The following SSBP4 variants were observed in gnomAD, a reference collection of about 807,000 sequenced individuals.
The protein encoded by SSBP4 is single stranded DNA binding protein 4.
A neutral mutation model predicts 64.6 loss-of-function variants in SSBP4; 33 were observed. The observed-to-expected ratio is 0.51, with a 90% CI of 0.39 to 0.68. SSBP4 has a LOEUF of 0.68. Ranked by LOEUF, SSBP4 falls within the 30% of genes least tolerant of loss-of-function variation. The pLI is 0.00. For missense variants in SSBP4, 583 were observed against 566.8 expected (o/e 1.03, Z -0.29); for synonymous variants, 243 against 224.0 (o/e 1.08, Z -0.76).
intron 4 of SSBP4, among the ~76,000 whole-genome samples, chr19:18,428,962 C>A (rs1040840336): frequency 6.6e-6 from 1 of 152,160 alleles, no homozygotes; most frequent in Non-Finnish European, 1.5e-5. Flanking sequence ...GGTCTAGCAT[C>A]CTCTCTGGGC....
chr19:18,431,360 C>A lies in SSBP4; in HGVS notation c.377C>A (p.Pro126His). ...SMAAGFFQGP[P>H]GSQPSPHNPN... ...CTGGTTCTGTCCTCCTAGGGCCCCC[C>A]CGGCTCCCAGCCGTCCCCCCACAAC... Residue 126 changes from proline (P) to histidine (H), a missense_variant, in exon 6 of 18, where the codon CCC becomes CAC. Pro to His is a moderately conservative substitution (Grantham distance 77, BLOSUM62 -2). This residue lies in a region of SSBP4 where 444 missense variants were observed against 386.6 expected (regional missense o/e 1.15). Coordinates refer to ENST00000270061, the MANE Select transcript of SSBP4 (RefSeq NM_032627.5). 2 of 1,050,458 alleles carry A rather than the reference C, an allele frequency of 1.9e-6. No homozygotes were observed. Among genetic ancestry groups the A allele is most frequent in the Non-Finnish European group, 2.8e-6 (2 of 716,656 alleles). The allele number at this position is 1,050,458 out of a possible 1,614,324, so 65.1% of individuals were successfully genotyped here. A position where few individuals can be genotyped will look rare whatever the true frequency, so the allele number is the denominator to read the frequency against.
chr19:18,421,530 C>G (rs764360944), intron 1 of SSBP4, among the ~76,000 whole-genome samples: 1 of 152,120 alleles, frequency 6.6e-6, no homozygotes, highest in Non-Finnish European at 1.5e-5. Flanking sequence ...AGGCTCCGGT[C>G]GGGATGGCAG....
the SSBP4 span, among the ~76,000 whole-genome samples, chr19:18,407,600 T>A: frequency 6.6e-6 from 1 of 150,638 alleles, no homozygotes; most frequent in Admixed American, 6.6e-5. Context: ...CCCGGTTAAT[T>A]TTTTGTATTT....
Position 18,427,471 on chromosome 19 carries a change from G to A in SSBP4, c.132+48G>A, listed in dbSNP as rs1972938291. ...GCCCTCCCTCCTCACCCACACTCCG[G>A]GGGTCCTTCATTTCCACTGGGGATC... On this transcript the variant is annotated intron_variant, in intron 2 of 17. Transcript: ENST00000270061. This position sits in a 1 kb window ranked among gnomAD's most constrained non-coding sequence, Gnocchi z 4.4. 1.3e-6 allele frequency: 2 copies of A among 1,586,748 alleles called. No individual in the cohort carries two copies. Among genetic ancestry groups the A allele is most frequent in the Non-Finnish European group, 1.7e-6 (2 of 1,167,082 alleles).
At chr19:18,425,737 TG>T (rs1972806755) in intron 1 of SSBP4, among the ~76,000 whole-genome samples, 1 of 152,136 alleles carries the variant, frequency 6.6e-6, no homozygotes, top group Non-Finnish European at 1.5e-5. Context: ...TTGGGCGCTG[TG>T]TGTCCTGCCC....
intron 5 of SSBP4, 138 bp from the exon 6 acceptor site, chr19:18,431,215 G>A: frequency 2.0e-6 from 1 of 490,588 alleles, no homozygotes. Context: ...TGGTGCCTGA[G>A]TCCTGCCCTC....
chr19:18,403,909 C>T, the SSBP4 span, among the ~76,000 whole-genome samples: 1 of 152,026 alleles, frequency 6.6e-6, no homozygotes, highest in African/African-American at 2.4e-5. Context: ...CAGAGGCCAC[C>T]TCCCTGGGGT....
rs1568348640 is a variant in SSBP4 at position 18,427,624 on chromosome 19, GC to G, written c.133-125del. The G allele has an allele frequency of 1.6e-5, 20 of 1,239,814 alleles. 1 individual carries two copies. The highest frequency in any genetic ancestry group is 1.8e-5 in the Non-Finnish European group (16 of 906,778). The allele number at this position is 1,239,814 out of a possible 1,614,324, so 76.8% of individuals were successfully genotyped here. ...GCCGGGACCTGCCACACATCCTGGG[GC>G]CCTCTGCCCACCCTGTTACCCTTCC... On this transcript the variant is annotated intron_variant, in intron 2 of 17. Coordinates refer to ENST00000270061, the MANE Select transcript of SSBP4 (RefSeq NM_032627.5). This position sits in a 1 kb window ranked among gnomAD's most constrained non-coding sequence, Gnocchi z 4.4.
the SSBP4 span, among the ~76,000 whole-genome samples, chr19:18,407,577 G>A: frequency 1.3e-5 from 2 of 150,428 alleles, no homozygotes; most frequent in Non-Finnish European, 3.0e-5. Context: ...GACTACAGGC[G>A]CCCGCCACCA....
intron 4 of SSBP4, among the ~76,000 whole-genome samples, chr19:18,429,656 G>A (rs931563640): frequency 1.2e-4 from 18 of 152,112 alleles, no homozygotes; most frequent in African/African-American, 3.9e-4. Context: ...TTGTGTTTGC[G>A]GGAGGGGGCG....
upstream of SSBP4, among the ~76,000 whole-genome samples, chr19:18,418,027 G>A (rs746466849): frequency 7.2e-5 from 11 of 152,168 alleles, no homozygotes; most frequent in Admixed American, 3.3e-4. The surrounding 1 kb of genome is among the most constrained non-coding windows in gnomAD (Gnocchi z 6.7). Context: ...TAGGGAGCTG[G>A]CGGCCCACCC....
At chr19:18,415,927 G>A (rs961070542), upstream of SSBP4, among the ~76,000 whole-genome samples, 20 of 152,162 alleles carry the variant, frequency 1.3e-4, no homozygotes, top group African/African-American at 1.9e-4. Flanking sequence ...AGACCCAGCC[G>A]AGGACCTGCC....
In SSBP4 at chr19:18,431,661, G is replaced by T; in HGVS notation, c.450G>T (p.Pro150=). The change falls in exon 7 of 18, where the codon CCG becomes CCT. Residue 150 remains proline (P), a synonymous_variant. Coordinates refer to ENST00000270061, the MANE Select transcript of SSBP4 (RefSeq NM_032627.5). ...MGPHGQPFMS[P]RFPGGPRPTL... is the part of the protein sequence containing the mutation. ...ACCTCTTCCAGCCCTTCATGTCACCGCGCTTCCCAGGGGGCCCCCGGCCCA... is the reference window on the plus strand; with the variant it reads ...ACCTCTTCCAGCCCTTCATGTCACCTCGCTTCCCAGGGGGCCCCCGGCCCA... The T allele has an allele frequency of 6.4e-7, 1 of 1,552,210 alleles. No homozygotes were observed.
At chr19:18,404,668 G>A in the SSBP4 span, among the ~76,000 whole-genome samples, 1 of 150,932 alleles carries the variant, frequency 6.6e-6, no homozygotes, top group African/African-American at 2.4e-5. Flanking sequence ...TGAGGTGGGT[G>A]GATCACAAGG....
At chr19:18,410,321 A>G in the SSBP4 span, among the ~76,000 whole-genome samples, 1 of 151,614 alleles carries the variant, frequency 6.6e-6, no homozygotes, top group Non-Finnish European at 1.5e-5. Context: ...TAGTGAAGAC[A>G]GGGTTTCACC....
intron 4 of SSBP4, among the ~76,000 whole-genome samples, chr19:18,430,436 AAGGGC>A (rs749660524): frequency 4.1e-4 from 63 of 152,206 alleles, no homozygotes; most frequent in Non-Finnish European, 6.9e-4. Flanking sequence ...CTCCTGGACG[AAGGGC>A]AGGGTGGGGT....
chr19:18,422,481 A>G (rs560927882), intron 1 of SSBP4, among the ~76,000 whole-genome samples: 14 of 152,258 alleles, frequency 9.2e-5, no homozygotes, highest in South Asian at 2.1e-4. Flanking sequence ...TTTGGAGGTG[A>G]GGTTCCTCTA....
the SSBP4 span, among the ~76,000 whole-genome samples, chr19:18,411,279 G>A: frequency 6.6e-6 from 1 of 152,248 alleles, no homozygotes; most frequent in South Asian, 2.1e-4. Flanking sequence ...GATCACCTGA[G>A]GTCAGGAGTT....
chr19:18,434,074 C>T (rs1488136428), intron 17 of SSBP4, 143 bp from the exon 18 acceptor site: 10 of 1,345,766 alleles, frequency 7.4e-6, no homozygotes, highest in East Asian at 6.0e-5. Flanking sequence ...CATGCATCGC[C>T]CCTCCCCCGT....
Sources: gnomAD v4.1 joint callset for allele counts (sites outside exome capture counted in the v4.1 genomes callset) on GRCh38, gnomAD v4.1.1 for gene constraint, gnomAD v4.1.1 regional missense constraint, Gnocchi (gnomAD v3.1) non-coding constraint, MANE v1.5 for transcripts, NCBI Gene and HGNC (gene_info 2026-07-23, HGNC 2026-07-21) for gene names.